Variants in TBC1D4 observed in about 807,000 individuals in gnomAD.
TBC1D4 encodes the protein TBC (Tre-2, BUB2, CDC16) domain-containing protein.
TBC1D4 carries 121 observed loss-of-function variants against 142.5 expected under a neutral mutation model. The ratio of observed to expected loss-of-function variants is 0.85; its 90% CI spans 0.73 to 0.99. The LOEUF (loss-of-function observed/expected upper bound fraction) is 0.99. TBC1D4 is among the 50% of genes least tolerant of loss of function. TBC1D4 has a pLI of 0.00. For missense variants in TBC1D4, 1,475 were observed against 1,606.6 expected (o/e 0.92, Z 1.40); for synonymous variants, 630 against 628.2 (o/e 1.00, Z -0.04).
chr13:75,392,235 C>T (rs565853797), intron 1 of TBC1D4, among the ~76,000 whole-genome samples: 1 of 152,150 alleles, frequency 6.6e-6, no homozygotes, highest in African/African-American at 2.4e-5. Context: ...AAAATGCACA[C>T]AAAATAAATG....
chr13:75,284,655 G>A lies in TBC1D4; in HGVS notation c.*2137C>T, dbSNP rs1191992012. ...CCAAGAGCTGCTTCTCTCCCGAAAA[G>A]TAACAGTATACGTCAAGAAAGCTGC... is the stretch of plus-strand genomic sequence containing the variant. On this transcript the variant is annotated 3_prime_UTR_variant, in exon 21 of 21. Transcript: ENST00000377636. The A allele has an allele frequency of 6.6e-6, 1 of 152,210 alleles. No individual in the cohort carries two copies. The highest frequency in any genetic ancestry group is 2.4e-5 in the African/African-American group (1 of 41,454). 9.4% of individuals were successfully genotyped at this position (152,210 alleles called of 1,614,324 possible).
intron 1 of TBC1D4, among the ~76,000 whole-genome samples, chr13:75,399,356 C>A (rs571735934): frequency 1.3e-5 from 2 of 152,268 alleles, no homozygotes; most frequent in South Asian, 4.1e-4. Flanking sequence ...TGCTATGGAC[C>A]AGTACCTGTT....
chr13:75,376,471 G>A (rs967327202), intron 1 of TBC1D4, among the ~76,000 whole-genome samples: 3 of 150,510 alleles, frequency 2.0e-5, no homozygotes, highest in South Asian at 2.1e-4. Flanking sequence ...TCCGCCTCCC[G>A]GGCTCAAGCA....
rs971566214 is a variant in TBC1D4, at chr13:75,384,067, C to G, written c.499-21460G>C. Among the ~76,000 whole-genome samples the G allele has an allele frequency of 2.8e-4, 42 of 150,496 alleles. No homozygotes were observed. The Admixed American group carries it at 2.8e-3, about 10-fold the overall frequency. ...TGCAGCACACCACCTGCACATTGTGCACATGTACCCTAAAACTTAAAGTAT... is the reference window on the plus strand; with the variant it reads ...TGCAGCACACCACCTGCACATTGTGGACATGTACCCTAAAACTTAAAGTAT... On this transcript the variant is annotated intron_variant, in intron 1 of 20. Transcript: ENST00000377636.
intron 1 of TBC1D4, among the ~76,000 whole-genome samples, chr13:75,404,695 G>A (rs1193904220): frequency 1.3e-5 from 2 of 152,148 alleles, no homozygotes; most frequent in Admixed American, 1.3e-4. Flanking sequence ...TTTGGGTAGC[G>A]AGGGACTACG....
At chr13:75,361,968 A>T in intron 2 of TBC1D4, 58 bp downstream of exon 2, 3 of 1,594,204 alleles carry the variant, frequency 1.9e-6, no homozygotes, top group Non-Finnish European at 2.6e-6. Context: ...CTGGATGCCC[A>T]GCTACTTCCA....
intron 1 of TBC1D4, among the ~76,000 whole-genome samples, chr13:75,477,915 A>G (rs1425674697): frequency 6.6e-6 from 1 of 152,210 alleles, no homozygotes; most frequent in Non-Finnish European, 1.5e-5. Flanking sequence ...ACAGATCTGC[A>G]TTGGCATACA....
intron 1 of TBC1D4, among the ~76,000 whole-genome samples, chr13:75,461,669 C>CT (rs1476739508): frequency 6.6e-6 from 1 of 152,172 alleles, no homozygotes; most frequent in East Asian, 1.9e-4. Context: ...TCATTGAGTT[C>CT]TTCATTTCCT....
chr13:75,447,004 A>G (rs1887312747), intron 1 of TBC1D4, among the ~76,000 whole-genome samples: 1 of 152,158 alleles, frequency 6.6e-6, no homozygotes, highest in African/African-American at 2.4e-5. Flanking sequence ...GGAATATTAT[A>G]GATTGAAGGC....
At chr13:75,369,410 T>A (rs1883100182) in intron 1 of TBC1D4, among the ~76,000 whole-genome samples, 1 of 152,176 alleles carries the variant, frequency 6.6e-6, no homozygotes, top group African/African-American at 2.4e-5. Flanking sequence ...GAGGATCACT[T>A]GAGCCTGGGA....
intron 1 of TBC1D4, among the ~76,000 whole-genome samples, chr13:75,369,684 T>C (rs1233949262): frequency 6.6e-6 from 1 of 152,190 alleles, no homozygotes; most frequent in East Asian, 1.9e-4. Context: ...GTTTTTCATA[T>C]GCAAAATGGA....
At chr13:75,319,967 G>C in intron 12 of TBC1D4, 47 bp downstream of exon 12, 1 of 1,597,600 alleles carries the variant, frequency 6.3e-7, no homozygotes, top group Non-Finnish European at 8.6e-7. Context: ...TCAGTTGGAA[G>C]AATCTGTGAA....
chr13:75,350,324 A>G (rs757825493), intron 4 of TBC1D4, among the ~76,000 whole-genome samples: 1 of 152,160 alleles, frequency 6.6e-6, no homozygotes, highest in Admixed American at 6.5e-5. Context: ...AAAGAATGTA[A>G]TCTACTTCTA....
chr13:75,400,746 A>G (rs925185869), intron 1 of TBC1D4, among the ~76,000 whole-genome samples: 1 of 151,896 alleles, frequency 6.6e-6, no homozygotes, highest in Non-Finnish European at 1.5e-5. Flanking sequence ...GATTACAGGC[A>G]TGAGCCACCA....
chr13:75,291,755 G>A (rs372201816), intron 19 of TBC1D4, among the ~76,000 whole-genome samples: 4 of 152,144 alleles, frequency 2.6e-5, no homozygotes, highest in East Asian at 1.9e-4. Flanking sequence ...CTCCTGCCAC[G>A]TGTCCTCTTC....
chr13:75,362,220 A>G lies in TBC1D4; in HGVS notation c.886T>C (p.Phe296Leu). The G allele has an allele frequency of 6.2e-7, 1 of 1,613,820 alleles. No homozygotes were observed. The highest frequency in any genetic ancestry group is 8.5e-7 in the Non-Finnish European group (1 of 1,179,982). The change falls in exon 2 of 21, where the codon TTC becomes CTC. Residue 296 changes from phenylalanine (F) to leucine (L), a missense_variant. Transcript: ENST00000377636. The surrounding 1 kb of genome is among the most constrained non-coding windows in gnomAD (Gnocchi z 4.2). ...GAATCTTCCAAAATCCGCTCAGGGA[A>G]GCAGACCCGAGAGCTGGTCAGGGCA... is the stretch of plus-strand genomic sequence containing the variant. ...QPALTSSRVC[F>L]PERILEDSGF...
chr13:75,469,124 A>G (rs569487339), intron 1 of TBC1D4, among the ~76,000 whole-genome samples: 1 of 152,324 alleles, frequency 6.6e-6, no homozygotes, highest in East Asian at 1.9e-4. Context: ...AGTCACAAGT[A>G]CAAAGGCTCT....
chr13:75,390,831 T>A lies in TBC1D4; in HGVS notation c.499-28224A>T, dbSNP rs1250723623. 4.7e-5 allele frequency among the ~76,000 whole-genome samples: 5 copies of A among 107,370 alleles called. 1 individual carries two copies. Among genetic ancestry groups the A allele is most frequent in the African/African-American group, 2.0e-4 (5 of 25,322 alleles). 70.4% of individuals were successfully genotyped at this position (107,370 alleles called of 152,430 possible). A position where few individuals can be genotyped will look rare whatever the true frequency, so the allele number is the denominator to read the frequency against. Reference sequence around the variant, plus strand: ...AGGTATTTGTGTGAGGATGGATAGATAGATAAGGAAGGAAGGGAGGGGAGG... The same window carrying A: ...AGGTATTTGTGTGAGGATGGATAGAAAGATAAGGAAGGAAGGGAGGGGAGG... On this transcript the variant is annotated intron_variant, in intron 1 of 20. Transcript: ENST00000377636.
intron 1 of TBC1D4, among the ~76,000 whole-genome samples, chr13:75,394,560 AACCACCT>A (rs1278485108): frequency 2.6e-5 from 4 of 151,858 alleles, no homozygotes; most frequent in African/African-American, 7.3e-5. Context: ...GAATGCTCAG[AACCACCT>A]ACAAGCCAAA....
Sources: allele counts gnomAD v4.1 joint callset (sites outside exome capture counted in the v4.1 genomes callset), GRCh38; gene constraint gnomAD v4.1.1; non-coding constraint Gnocchi (gnomAD v3.1); transcripts MANE v1.5; gene names NCBI Gene and HGNC (gene_info 2026-07-23, HGNC 2026-07-21).